The following RBFOX1 variants were observed in gnomAD, a reference collection of about 807,000 sequenced individuals.
RBFOX1 encodes RNA binding fox-1 homolog 1.
RBFOX1 carries 8 observed loss-of-function variants against 57.7 expected under a neutral mutation model. The observed-to-expected ratio is 0.14, with a 90% CI of 0.08 to 0.25. The LOEUF (loss-of-function observed/expected upper bound fraction) is 0.25. RBFOX1 is among the 10% of genes least tolerant of loss of function. The pLI is 1.00. For missense variants in RBFOX1, 611 were observed against 548.5 expected, an observed-to-expected ratio of 1.11 and a Z score of -1.14; for synonymous variants, 326 against 222.4, an observed-to-expected ratio of 1.47 and a Z score of -4.15.
chr16:5,447,690 C>G (rs1229948122), intron 1 of RBFOX1, among the ~76,000 whole-genome samples: 1 of 152,218 alleles, frequency 6.6e-6, no homozygotes, highest in Non-Finnish European at 1.5e-5. Context: ...GCCACCGTGC[C>G]CGGCTGCCAT....
chr16:6,643,208 G>A (rs540330755), intron 2 of RBFOX1, among the ~76,000 whole-genome samples: 3 of 152,310 alleles, frequency 2.0e-5, no homozygotes, highest in African/African-American at 7.2e-5. Flanking sequence ...TTACGGACCT[G>A]ATGAATTGGA....
At chr16:5,969,690 C>T (rs921161162) in intron 4 of RBFOX1, among the ~76,000 whole-genome samples, 8 of 151,926 alleles carry the variant, frequency 5.3e-5, no homozygotes, top group African/African-American at 1.9e-4. Flanking sequence ...CTTCACAGAG[C>T]TCCCTCTTTT....
At chr16:5,269,771 C>A (rs921830025) in intron 1 of RBFOX1, among the ~76,000 whole-genome samples, 2 of 152,126 alleles carry the variant, frequency 1.3e-5, no homozygotes, top group Non-Finnish European at 2.9e-5. Flanking sequence ...TTGTGTATAT[C>A]TCTGAATATA....
intron 2 of RBFOX1, chr16:6,483,466 CGGT>C (rs1490593100): frequency 2.6e-5 from 40 of 1,535,676 alleles, no homozygotes; most frequent in Non-Finnish European, 3.1e-5. Flanking sequence ...TGTGTTTTCC[CGGT>C]GAGGAAACAG....
rs61589374 is a variant in RBFOX1, at chr16:6,144,030, C to T, written c.-127+124038C>T. On this transcript the variant is annotated intron_variant, in intron 1 of 15. Transcript: ENST00000550418. ...TCCAGGCTGGTTTCGAACTCCTGGC[C>T]TCCAGTGATCCTCTTGCCTCAGCCT... Among the ~76,000 whole-genome samples, 995 of 151,332 alleles carry T rather than the reference C, an allele frequency of 6.6e-3. 16 individuals carry two copies. Among genetic ancestry groups the T allele is most frequent in the African/African-American group, 0.02 (830 of 41,006 alleles).
intron 1 of RBFOX1, among the ~76,000 whole-genome samples, chr16:6,216,907 T>G (rs2097339231): frequency 6.6e-6 from 1 of 152,190 alleles, no homozygotes; most frequent in Non-Finnish European, 1.5e-5. Context: ...AGCTCTTCTT[T>G]GATAATCAGG....
intron 3 of RBFOX1, among the ~76,000 whole-genome samples, chr16:5,738,028 C>A (rs2052641944): frequency 6.7e-6 from 1 of 150,046 alleles, no homozygotes; most frequent in African/African-American, 2.5e-5. Context: ...CCTCCAGGCA[C>A]CAGTGTGTGA....
chr16:7,552,932 C>T (rs35069076), intron 5 of RBFOX1, among the ~76,000 whole-genome samples: 8,199 of 152,108 alleles, frequency 0.054, 325 homozygotes, highest in Non-Finnish European at 0.087. Flanking sequence ...ATCTGCCCGC[C>T]TCGGACTCCC....
intron 3 of RBFOX1, among the ~76,000 whole-genome samples, chr16:6,962,666 A>G (rs966324925): frequency 2.6e-5 from 4 of 152,088 alleles, no homozygotes; most frequent in Admixed American, 1.3e-4. Context: ...GGAGTTCAAG[A>G]CCAGCCTGAG....
At chr16:6,302,341 C>T (rs909791543) in intron 1 of RBFOX1, among the ~76,000 whole-genome samples, 8 of 152,038 alleles carry the variant, frequency 5.3e-5, no homozygotes, top group Non-Finnish European at 1.2e-4. Context: ...CCTTCATTTC[C>T]TTCATTGTCT....
At chr16:7,568,926 G>C (rs184092267) in intron 5 of RBFOX1, among the ~76,000 whole-genome samples, 220 of 149,494 alleles carry the variant, frequency 1.5e-3, no homozygotes, top group African/African-American at 5.1e-3. Context: ...AAAACTGTCT[G>C]GGAATGCAGC....
intron 2 of RBFOX1, among the ~76,000 whole-genome samples, chr16:6,435,226 C>G (rs979204036): frequency 5.9e-5 from 9 of 152,078 alleles, no homozygotes; most frequent in African/African-American, 1.7e-4. Flanking sequence ...CACCAATTAG[C>G]AAACTGTTGT....
At chr16:5,870,269 C>T (rs920636622) in intron 4 of RBFOX1, among the ~76,000 whole-genome samples, 1 of 149,634 alleles carries the variant, frequency 6.7e-6, no homozygotes, top group African/African-American at 2.5e-5. Context: ...TGGGAATGTC[C>T]AACACTCTCA....
At chr16:7,566,164 G>C (rs1290310787) in intron 5 of RBFOX1, among the ~76,000 whole-genome samples, 2 of 152,122 alleles carry the variant, frequency 1.3e-5, no homozygotes, top group Non-Finnish European at 2.9e-5. Flanking sequence ...TTATCCATAG[G>C]ATGCTTATTC....
intron 4 of RBFOX1, among the ~76,000 whole-genome samples, chr16:7,178,583 C>T (rs761996894): frequency 5.3e-5 from 8 of 152,226 alleles, no homozygotes; most frequent in Admixed American, 1.3e-4. Flanking sequence ...TTTCTGTTTC[C>T]ATCACCAGAA....
At position 5,545,726 on chromosome 16, in the gene RBFOX1, T is replaced by G. The variant is rs2045168600; in HGVS notation, c.259-53176T>G. On this transcript the variant is annotated intron_variant, in intron 2 of 2. Transcript: ENST00000585867. ...TTTGATAAAATATGTCTATGAAAAATCTCTTTCATACTTAATAGTGAAAGA... is the reference window on the plus strand; with the variant it reads ...TTTGATAAAATATGTCTATGAAAAAGCTCTTTCATACTTAATAGTGAAAGA... Among the ~76,000 whole-genome samples, 3 of 152,200 alleles carry G rather than the reference T, an allele frequency of 2.0e-5. No homozygotes were observed. In the East Asian group the frequency reaches 5.8e-4, roughly 29 times the overall value.
intron 4 of RBFOX1, among the ~76,000 whole-genome samples, chr16:7,167,416 G>A (rs1257993740): frequency 1.3e-5 from 2 of 152,162 alleles, no homozygotes; most frequent in East Asian, 1.9e-4. Flanking sequence ...AAAACACAGA[G>A]ACTCAGAGGA....
chr16:5,820,643 G>A (rs1352328652), intron 3 of RBFOX1, among the ~76,000 whole-genome samples: 1 of 152,174 alleles, frequency 6.6e-6, no homozygotes. Context: ...TTTTCCCCAT[G>A]AATCAGCTCT....
intron 3 of RBFOX1, among the ~76,000 whole-genome samples, chr16:6,951,743 C>G (rs998672953): frequency 1.3e-5 from 2 of 152,046 alleles, no homozygotes; most frequent in Non-Finnish European, 1.5e-5. Flanking sequence ...TTTTTTCTCT[C>G]TCTCTTTTGA....
Sources: gnomAD v4.1 joint callset for allele counts (sites outside exome capture counted in the v4.1 genomes callset) on GRCh38, gnomAD v4.1.1 for gene constraint, MANE v1.5 for transcripts, NCBI Gene and HGNC (gene_info 2026-07-23, HGNC 2026-07-21) for gene names.